Variants in LCORL observed in about 807,000 individuals in gnomAD.
LCORL encodes ligand dependent nuclear receptor corepressor like.
Under a neutral mutation model 141.8 loss-of-function variants are expected in LCORL, and 41 were observed. That is an observed-to-expected ratio of 0.29 (90% CI 0.23 to 0.38). LCORL has a LOEUF of 0.38. Ranked by LOEUF, LCORL falls within the 10% of genes least tolerant of loss-of-function variation. The probability of loss-of-function intolerance (pLI) is 1.00; values close to 1 mark genes in which losing one functional copy is unlikely to be tolerated. For missense variants in LCORL, 1,759 were observed against 2,035.0 expected, an observed-to-expected ratio of 0.86 and a Z score of 2.61; for synonymous variants, 618 against 694.1, an observed-to-expected ratio of 0.89 and a Z score of 1.72.
chr4:17,951,002 A>C (rs1021868509), intron 4 of LCORL, among the ~76,000 whole-genome samples: 34 of 152,258 alleles, frequency 2.2e-4, no homozygotes, highest in African/African-American at 8.2e-4. Context: ...CTATGGCTTC[A>C]GTTGATGGTT....
intron 7 of LCORL, among the ~76,000 whole-genome samples, chr4:17,851,827 A>T (rs1312885904): frequency 1.3e-5 from 2 of 152,170 alleles, no homozygotes; most frequent in Non-Finnish European, 2.9e-5. Flanking sequence ...TACTCTAACC[A>T]ATAATGTATA....
intron 5 of LCORL, among the ~76,000 whole-genome samples, chr4:17,890,591 A>G (rs1728932401): frequency 6.6e-6 from 1 of 152,092 alleles, no homozygotes; most frequent in South Asian, 2.1e-4. Flanking sequence ...TAATAAATAC[A>G]AAATTGTTTT....
chr4:17,868,042 T>G (rs992735067), intron 7 of LCORL, among the ~76,000 whole-genome samples: 1 of 152,192 alleles, frequency 6.6e-6, no homozygotes, highest in African/African-American at 2.4e-5. Context: ...ATTAGAATAC[T>G]TTAACAGAAT....
At chr4:17,943,730 A>G (rs1738357666) in intron 4 of LCORL, among the ~76,000 whole-genome samples, 1 of 152,222 alleles carries the variant, frequency 6.6e-6, no homozygotes, top group Admixed American at 6.5e-5. Context: ...TAGAATGAGG[A>G]ATATGCCAGG....
chr4:17,979,214 T>C (rs1717555641), intron 1 of LCORL, among the ~76,000 whole-genome samples: 1 of 152,182 alleles, frequency 6.6e-6, no homozygotes, highest in African/African-American at 2.4e-5. Flanking sequence ...CTGCCTGTGC[T>C]ATAATCTGCA....
chr4:17,958,581 C>A (rs1713149888), intron 4 of LCORL, among the ~76,000 whole-genome samples: 1 of 151,868 alleles, frequency 6.6e-6, no homozygotes, highest in East Asian at 1.9e-4. Flanking sequence ...TATCAACATT[C>A]CAAACAAACT....
chr4:18,016,426 AAATT>A (rs1247381562), intron 1 of LCORL, among the ~76,000 whole-genome samples: 1 of 152,200 alleles, frequency 6.6e-6, no homozygotes, highest in African/African-American at 2.4e-5. Flanking sequence ...GAGGAAAAAT[AAATT>A]AAGCTATAGG....
intron 1 of LCORL, among the ~76,000 whole-genome samples, chr4:18,011,422 C>T (rs374056869): frequency 6.7e-6 from 1 of 150,274 alleles, no homozygotes; most frequent in South Asian, 2.1e-4. Flanking sequence ...ATGCTTATTA[C>T]CCATTTTAAA....
rs1451499515 is a variant in LCORL at position 17,961,759 on chromosome 4, T to C, written c.430+144A>G. On this transcript the variant is annotated intron_variant, in intron 4 of 7. Transcript: ENST00000635767. ...GAATGATTGAGACTCCTACTGTCCC[T>C]AAAAATATAAAGAAAAATTAAGAAT... 8.5e-6 allele frequency: 5 copies of C among 590,472 alleles called. No individual in the cohort carries two copies. In the East Asian group the frequency reaches 1.2e-4, roughly 15 times the overall value. The allele number at this position is 590,472 out of a possible 1,614,324, so 36.6% of individuals were successfully genotyped here.
chr4:17,916,960 T>G (rs2109356568), intron 4 of LCORL, among the ~76,000 whole-genome samples: 1 of 152,014 alleles, frequency 6.6e-6, no homozygotes, highest in South Asian at 2.1e-4. Context: ...TATAGATTAC[T>G]CAACCTCAGG....
intron 1 of LCORL, among the ~76,000 whole-genome samples, chr4:17,975,460 A>G (rs1247092057): frequency 1.3e-5 from 2 of 151,420 alleles, no homozygotes; most frequent in Non-Finnish European, 2.9e-5. Context: ...CAGTGGCGTG[A>G]TCTCGGCTCA....
At chr4:17,961,853 AT>A (rs1713857792) in intron 4 of LCORL, 49 bp downstream of exon 4, 2 of 1,543,818 alleles carry the variant, frequency 1.3e-6, no homozygotes, top group South Asian at 2.4e-5. Context: ...AAATTCCAAC[AT>A]TTTACATCTC....
intron 2 of LCORL, among the ~76,000 whole-genome samples, chr4:17,965,299 C>T (rs1244818227): frequency 6.6e-6 from 1 of 152,008 alleles, no homozygotes; most frequent in African/African-American, 2.4e-5. Context: ...CATTTTTCTA[C>T]ATGGAAAAAT....
At chr4:17,844,398 C>A (rs1229137052) in exon 8 of LCORL, 1 of 152,268 alleles carries the variant, frequency 6.6e-6, no homozygotes, top group Non-Finnish European at 1.5e-5. Flanking sequence ...TTTTTTTAGG[C>A]TTATCATCTA....
chr4:17,987,395 A>G (rs550876062), intron 1 of LCORL, among the ~76,000 whole-genome samples: 1 of 152,292 alleles, frequency 6.6e-6, no homozygotes, highest in African/African-American at 2.4e-5. Flanking sequence ...CAGTACTCCA[A>G]TTCTTTTTAT....
At chr4:17,922,318 T>A (rs1383171474) in intron 4 of LCORL, among the ~76,000 whole-genome samples, 1 of 152,180 alleles carries the variant, frequency 6.6e-6, no homozygotes, top group Non-Finnish European at 1.5e-5. Context: ...TCTAAAAGTA[T>A]GGAGAACACT....
intron 1 of LCORL, among the ~76,000 whole-genome samples, chr4:18,006,950 T>C (rs915221361): frequency 6.6e-6 from 1 of 152,188 alleles, no homozygotes; most frequent in Non-Finnish European, 1.5e-5. Context: ...GAAATGATTC[T>C]CTGTTCTTTC....
chr4:17,963,855 T>G (rs1714341051), intron 2 of LCORL, among the ~76,000 whole-genome samples: 1 of 152,004 alleles, frequency 6.6e-6, no homozygotes, highest in African/African-American at 2.4e-5. Context: ...ATGCAGAACC[T>G]CAAACATAAA....
At chr4:17,955,571 G>T (rs1427517676) in intron 4 of LCORL, among the ~76,000 whole-genome samples, 1 of 152,050 alleles carries the variant, frequency 6.6e-6, no homozygotes, top group Admixed American at 6.6e-5. Flanking sequence ...GAAGGTGATT[G>T]TTCTATAAAA....
Sources: gnomAD v4.1 joint callset for allele counts (sites outside exome capture counted in the v4.1 genomes callset) on GRCh38, gnomAD v4.1.1 for gene constraint, MANE v1.5 for transcripts, NCBI Gene and HGNC (gene_info 2026-07-23, HGNC 2026-07-21) for gene names.